PTPRC: variants seen among roughly 807,000 people sequenced by gnomAD.
PTPRC encodes the protein protein tyrosine phosphatase receptor type C, also known as receptor-type tyrosine-protein phosphatase C.
PTPRC carries 44 observed loss-of-function variants against 155.9 expected under a neutral mutation model. The observed-to-expected ratio is 0.28, with a 90% CI of 0.22 to 0.36. The LOEUF is 0.36. PTPRC is among the 10% of genes least tolerant of loss of function. The probability of loss-of-function intolerance (pLI) is 1.00; values close to 1 mark genes in which losing one functional copy is unlikely to be tolerated. For missense variants in PTPRC, 1,401 were observed against 1,564.6 expected, an observed-to-expected ratio of 0.90 and a Z score of 1.76; for synonymous variants, 525 against 533.1, an observed-to-expected ratio of 0.98 and a Z score of 0.21.
intron 23 of PTPRC, among the ~76,000 whole-genome samples, chr1:198,736,358 G>C (rs904440164): frequency 1.3e-5 from 2 of 151,350 alleles, no homozygotes; most frequent in African/African-American, 4.8e-5. Context: ...CAATCCTTTG[G>C]TAACCATCAT....
Position 198,748,095 on chromosome 1 carries a change from T to G in PTPRC, c.2848-14T>G, listed in dbSNP as rs532619849. 7.6e-6 allele frequency: 12 copies of G among 1,582,976 alleles called. No homozygotes were observed. The East Asian group carries it at 9.1e-5, about 12-fold the overall frequency. On this transcript the variant is annotated splice_polypyrimidine_tract_variant and intron_variant, in intron 26 of 32. Coordinates refer to ENST00000442510, the MANE Select transcript of PTPRC (RefSeq NM_002838.5). ...ATTTTAAAGGAGTTTTTCTGTTTTT[T>G]TTTTTTTTTTCAGAGACTTCCTTCA...
chr1:198,719,940 T>C (rs1308734342), intron 14 of PTPRC, among the ~76,000 whole-genome samples: 1 of 152,166 alleles, frequency 6.6e-6, no homozygotes, highest in African/African-American at 2.4e-5. Context: ...AGAAGTGTTT[T>C]CATATTTATA....
intron 10 of PTPRC, among the ~76,000 whole-genome samples, chr1:198,709,241 T>G (rs1653158922): frequency 6.6e-6 from 1 of 151,972 alleles, no homozygotes; most frequent in Non-Finnish European, 1.5e-5. Context: ...AAGTGAAAAA[T>G]TTTACACGTG....
At chr1:198,738,917 C>A (rs1654773449) in intron 23 of PTPRC, among the ~76,000 whole-genome samples, 1 of 151,520 alleles carries the variant, frequency 6.6e-6, no homozygotes, top group African/African-American at 2.4e-5. Context: ...TGAATTGAAA[C>A]AAGAAAATGG....
chr1:198,651,873 C>T (rs1021447806), intron 2 of PTPRC, among the ~76,000 whole-genome samples: 2 of 151,712 alleles, frequency 1.3e-5, no homozygotes, highest in Admixed American at 6.6e-5. Context: ...TTGAGTGTCT[C>T]GTGTGCCTGG....
chr1:198,696,914 G>T lies in PTPRC; in HGVS notation c.298+5G>T. On this transcript the variant is annotated splice_donor_5th_base_variant and intron_variant, in intron 4 of 32. Transcript: ENST00000442510. ...CTAGTGCTTTTAATACCACAGGTTG[G>T]CACACAAAAGTTGTTAACTTAAATA... 6.2e-7 allele frequency: 1 copy of T among 1,609,648 alleles called. No homozygotes were observed. Among genetic ancestry groups the T allele is most frequent in the Non-Finnish European group, 8.5e-7 (1 of 1,175,924 alleles).
intron 7 of PTPRC, among the ~76,000 whole-genome samples, chr1:198,704,145 TATGAAGA>T (rs565861119): frequency 1.6e-3 from 244 of 152,322 alleles, no homozygotes; most frequent in African/African-American, 5.6e-3. Context: ...TTAATCAAAA[TATGAAGA>T]CCTTTAAAAT....
intron 2 of PTPRC, among the ~76,000 whole-genome samples, chr1:198,644,196 C>T (rs1206825929): frequency 1.3e-5 from 2 of 151,692 alleles, no homozygotes; most frequent in Non-Finnish European, 2.9e-5. Flanking sequence ...GGAAATTTAA[C>T]ATATCTTCAG....
chr1:198,703,286 A>G lies in PTPRC; in HGVS notation c.584-12A>G. 6.2e-7 allele frequency: 1 copy of G among 1,612,584 alleles called. No homozygotes were observed. Among genetic ancestry groups the G allele is most frequent in the Non-Finnish European group, 8.5e-7 (1 of 1,179,986 alleles). On this transcript the variant is annotated splice_polypyrimidine_tract_variant and intron_variant, in intron 6 of 32. Coordinates refer to ENST00000442510, the MANE Select transcript of PTPRC (RefSeq NM_002838.5). ...TTAATTAGCTTTTATTCTTCTATTCATTTTCTTGCAGATGCCTACCTTAAT... is the reference window on the plus strand; with the variant it reads ...TTAATTAGCTTTTATTCTTCTATTCGTTTTCTTGCAGATGCCTACCTTAAT...
chr1:198,755,417 T>G (rs953495897), intron 32 of PTPRC, among the ~76,000 whole-genome samples: 1 of 152,114 alleles, frequency 6.6e-6, no homozygotes, highest in Non-Finnish European at 1.5e-5. Flanking sequence ...TGCTATGTGC[T>G]CTTGCTATAA....
intron 2 of PTPRC, among the ~76,000 whole-genome samples, chr1:198,665,079 C>CCTTTTTTTTTTTTTTTTTTTTTT (rs1557979011): frequency 9.8e-6 from 1 of 102,244 alleles, no homozygotes. Flanking sequence ...ATCCCGGCAG[C>CCTTTTTTTTTTTTTTTTTTTTTT]ATTTTTTTTT....
At chr1:198,702,007 C>T (rs943982945) in intron 5 of PTPRC, among the ~76,000 whole-genome samples, 6 of 152,210 alleles carry the variant, frequency 3.9e-5, no homozygotes, top group Non-Finnish European at 8.8e-5. Context: ...ACTCAGAGCT[C>T]TACCTCCATC....
chr1:198,653,076 T>C (rs1253923620), intron 2 of PTPRC, among the ~76,000 whole-genome samples: 4 of 151,872 alleles, frequency 2.6e-5, no homozygotes, highest in African/African-American at 9.7e-5. Flanking sequence ...TCAGGAACAC[T>C]GTAAAGGTAT....
chr1:198,707,238 C>T (rs186366342), intron 9 of PTPRC, among the ~76,000 whole-genome samples: 27 of 152,260 alleles, frequency 1.8e-4, no homozygotes, highest in African/African-American at 6.3e-4. Flanking sequence ...TGTCTGCAAG[C>T]TTTCTTTATT....
chr1:198,725,045 A>G (rs1380556795), intron 15 of PTPRC, among the ~76,000 whole-genome samples: 1 of 152,042 alleles, frequency 6.6e-6, no homozygotes, highest in Non-Finnish European at 1.5e-5. Context: ...CAAATGATCC[A>G]CCTGCCTTGG....
intron 23 of PTPRC, among the ~76,000 whole-genome samples, chr1:198,738,202 G>A (rs560188405): frequency 1.3e-5 from 2 of 151,854 alleles, no homozygotes; most frequent in South Asian, 4.1e-4. Flanking sequence ...CAACAGTGGT[G>A]AAAGTGGGCA....
rs759187376 is a variant in PTPRC, at chr1:198,741,896, G to C, written c.2431G>C (p.Val811Leu). The change falls in exon 24 of 33, where the codon GTG becomes CTG. Residue 811 changes from valine (V) to leucine (L), a missense_variant. Val to Leu is a conservative substitution (Grantham distance 32, BLOSUM62 1). This residue lies in a region of PTPRC where 134 missense variants were observed against 204.7 expected (regional missense o/e 0.65). Coordinates refer to ENST00000442510, the MANE Select transcript of PTPRC (RefSeq NM_002838.5). ...NKKEKATGRE[V>L]THIQFTSWPD... ...AAAAGAAAAAGCAACTGGAAGAGAG[G>C]TGACTCACATTCAGTTCACCAGCTG... The C allele has an allele frequency of 6.2e-7, 1 of 1,611,994 alleles. No individual in the cohort carries two copies. The highest frequency in any genetic ancestry group is 1.1e-5 in the South Asian group (1 of 91,030).
chr1:198,697,608 G>A (rs909042846), intron 4 of PTPRC, among the ~76,000 whole-genome samples: 2 of 152,146 alleles, frequency 1.3e-5, no homozygotes, highest in African/African-American at 4.8e-5. Flanking sequence ...CAATAGGTCT[G>A]CCAGTGTATT....
At chr1:198,651,095 T>C (rs944781674) in intron 2 of PTPRC, among the ~76,000 whole-genome samples, 2 of 151,766 alleles carry the variant, frequency 1.3e-5, no homozygotes, top group African/African-American at 2.4e-5. Context: ...GCTTAACAAT[T>C]AGAAAAAGAA....
Sources: gnomAD v4.1 joint callset for allele counts (sites outside exome capture counted in the v4.1 genomes callset) on GRCh38, gnomAD v4.1.1 for gene constraint, gnomAD v4.1.1 regional missense constraint, MANE v1.5 for transcripts, NCBI Gene and HGNC (gene_info 2026-07-23, HGNC 2026-07-21) for gene names.